The following VAT1L variants were observed in gnomAD, a reference collection of about 807,000 sequenced individuals.
The protein encoded by VAT1L is vesicle amine transport 1 like.
In VAT1L, 34 loss-of-function variants were observed where a neutral mutation model predicts 44.1. The observed-to-expected ratio is 0.77, with a 90% CI of 0.59 to 1.03. VAT1L has a LOEUF of 1.03. Among genes scored for constraint, VAT1L ranks in the 50% least tolerant of loss-of-function variants. The pLI is 0.00. For missense variants in VAT1L, 615 were observed against 538.8 expected (o/e 1.14, Z -1.40); for synonymous variants, 253 against 202.2 (o/e 1.25, Z -2.13).
At chr16:77,935,309 C>T (rs924839487) in intron 7 of VAT1L, among the ~76,000 whole-genome samples, 6 of 151,992 alleles carry the variant, frequency 3.9e-5, no homozygotes, top group African/African-American at 1.5e-4. Flanking sequence ...AATGTCATTA[C>T]TGTTTATTAC....
intron 7 of VAT1L, among the ~76,000 whole-genome samples, chr16:77,886,131 A>G (rs565268542): frequency 6.6e-6 from 1 of 152,356 alleles, no homozygotes; most frequent in East Asian, 1.9e-4. Flanking sequence ...TTTCTATTGC[A>G]GATGCTCACC....
chr16:77,880,395 A>T (rs1039322736), intron 6 of VAT1L, among the ~76,000 whole-genome samples: 2 of 151,986 alleles, frequency 1.3e-5, no homozygotes, highest in African/African-American at 4.8e-5. Flanking sequence ...CCCGGGCTCA[A>T]GCAATCCGCT....
chr16:77,895,118 T>TACACACACACACACACA (rs1567500925), intron 7 of VAT1L, among the ~76,000 whole-genome samples: 1 of 150,056 alleles, frequency 6.7e-6, no homozygotes, highest in African/African-American at 2.5e-5. Context: ...ACACACACAC[T>TACACACACACACACACA]CACACATTTC....
intron 3 of VAT1L, among the ~76,000 whole-genome samples, chr16:77,853,734 G>A (rs146695156): frequency 6.8e-4 from 104 of 152,160 alleles, no homozygotes; most frequent in Non-Finnish European, 1.3e-3. Flanking sequence ...GAGGCTGCTG[G>A]CTCTGGCACC....
intron 3 of VAT1L, among the ~76,000 whole-genome samples, chr16:77,839,022 T>C (rs975195655): frequency 3.3e-5 from 5 of 152,070 alleles, no homozygotes; most frequent in Non-Finnish European, 7.4e-5. Context: ...GTGGATATGA[T>C]ATAGACTTAC....
At chr16:77,809,354 G>C (rs1237862339) in intron 1 of VAT1L, among the ~76,000 whole-genome samples, 1 of 152,148 alleles carries the variant, frequency 6.6e-6, no homozygotes, top group East Asian at 1.9e-4. Flanking sequence ...TCCATCATCA[G>C]AGAAATTAGA....
At chr16:77,894,765 G>A (rs1234930286) in intron 7 of VAT1L, among the ~76,000 whole-genome samples, 1 of 152,156 alleles carries the variant, frequency 6.6e-6, no homozygotes, top group Non-Finnish European at 1.5e-5. Flanking sequence ...AGATAGATAT[G>A]CTAGTATACA....
chr16:77,923,441 C>G (rs146009703), intron 7 of VAT1L, among the ~76,000 whole-genome samples: 12 of 152,280 alleles, frequency 7.9e-5, no homozygotes, highest in African/African-American at 2.6e-4. Flanking sequence ...CAGAGCAAGA[C>G]TCTGTCATGG....
intron 7 of VAT1L, among the ~76,000 whole-genome samples, chr16:77,899,975 C>T (rs993262712): frequency 6.6e-6 from 1 of 152,212 alleles, no homozygotes; most frequent in Non-Finnish European, 1.5e-5. Context: ...TCCACATGAG[C>T]ATGTTTACTT....
chr16:77,923,854 T>G (rs547787561), intron 7 of VAT1L, among the ~76,000 whole-genome samples: 1 of 152,258 alleles, frequency 6.6e-6, no homozygotes, highest in African/African-American at 2.4e-5. Context: ...CATATGAGCT[T>G]AGCAGCCGAC....
rs943150159 is a variant in VAT1L at position 77,814,506 on chromosome 16, G to A, written c.234-2415G>A. ...CTGGGCCCAGTTCATGCTGGATGGCGAATGCAGGCAGCCCAGTTGAGCAGC... is the reference window on the plus strand; with the variant it reads ...CTGGGCCCAGTTCATGCTGGATGGCAAATGCAGGCAGCCCAGTTGAGCAGC... On this transcript the variant is annotated intron_variant, in intron 1 of 8. Transcript: ENST00000302536. Among the ~76,000 whole-genome samples the A allele has an allele frequency of 5.3e-5, 8 of 152,314 alleles. No homozygotes were observed. In the South Asian group the frequency reaches 8.3e-4, roughly 16 times the overall value.
At chr16:77,947,538 C>T (rs430416) in intron 7 of VAT1L, among the ~76,000 whole-genome samples, 148,643 of 152,246 alleles carry the variant, frequency 0.98, 72,631 homozygotes, top group Middle Eastern at 1. Context: ...GTTATCTTCC[C>T]GAAACACACT....
At chr16:77,936,362 A>G (rs577469067) in intron 7 of VAT1L, among the ~76,000 whole-genome samples, 1 of 152,282 alleles carries the variant, frequency 6.6e-6, no homozygotes, top group African/African-American at 2.4e-5. Flanking sequence ...GACTACAGTG[A>G]GTAAGGGGAG....
chr16:77,886,578 C>T (rs781649521), intron 7 of VAT1L, among the ~76,000 whole-genome samples: 4 of 152,180 alleles, frequency 2.6e-5, no homozygotes, highest in Non-Finnish European at 5.9e-5. Flanking sequence ...ATTTACTGAA[C>T]AACAACTATG....
At chr16:77,831,885 G>C (rs988276986) in intron 3 of VAT1L, among the ~76,000 whole-genome samples, 1 of 151,664 alleles carries the variant, frequency 6.6e-6, no homozygotes, top group Non-Finnish European at 1.5e-5. Context: ...GCTTGATCTC[G>C]GCTCACTGCA....
intron 7 of VAT1L, among the ~76,000 whole-genome samples, chr16:77,948,114 T>C (rs1266850231): frequency 1.3e-5 from 2 of 152,154 alleles, no homozygotes; most frequent in Non-Finnish European, 2.9e-5. Flanking sequence ...ACTGAGTAAT[T>C]TCCTCCACTG....
At chr16:77,928,863 C>T (rs779062123) in intron 7 of VAT1L, among the ~76,000 whole-genome samples, 1 of 152,104 alleles carries the variant, frequency 6.6e-6, no homozygotes, top group Non-Finnish European at 1.5e-5. Flanking sequence ...TGTCACCAGG[C>T]TGGAGTGCAG....
At chr16:77,946,817 T>C (rs2017973614) in intron 7 of VAT1L, among the ~76,000 whole-genome samples, 1 of 152,292 alleles carries the variant, frequency 6.6e-6, no homozygotes, top group East Asian at 1.9e-4. Context: ...CTACTGTTCA[T>C]AGCCACCCCT....
At chr16:77,898,852 C>T (rs945687585) in intron 7 of VAT1L, among the ~76,000 whole-genome samples, 2 of 152,192 alleles carry the variant, frequency 1.3e-5, no homozygotes, top group African/African-American at 4.8e-5. Context: ...AAGCTCTGAA[C>T]AGCACAAATG....
Sources: gnomAD v4.1 joint callset for allele counts (sites outside exome capture counted in the v4.1 genomes callset) on GRCh38, gnomAD v4.1.1 for gene constraint, MANE v1.5 for transcripts, NCBI Gene and HGNC (gene_info 2026-07-23, HGNC 2026-07-21) for gene names.